CNIH3: variants seen among roughly 807,000 people sequenced by gnomAD.
CNIH3 encodes the protein protein cornichon homolog 3.
A neutral mutation model predicts 24.1 loss-of-function variants in CNIH3; 14 were observed. The observed-to-expected ratio is 0.58, with a 90% CI of 0.38 to 0.91. The LOEUF is 0.91. CNIH3 is among the 40% of genes least tolerant of loss of function. The pLI is 0.00. For missense variants in CNIH3, 178 were observed against 196.8 expected (o/e 0.90, Z 0.57); for synonymous variants, 68 against 73.8 (o/e 0.92, Z 0.40).
intron 1 of CNIH3, among the ~76,000 whole-genome samples, chr1:224,482,674 C>T (rs1427770491): frequency 6.6e-6 from 1 of 151,832 alleles, no homozygotes; most frequent in Admixed American, 6.6e-5. Flanking sequence ...GAAGGGGTCA[C>T]TTTTGGAGCT....
At chr1:224,500,725 T>C (rs1319266724) in intron 1 of CNIH3, among the ~76,000 whole-genome samples, 2 of 152,106 alleles carry the variant, frequency 1.3e-5, no homozygotes, top group Non-Finnish European at 1.5e-5. Flanking sequence ...TGACTGATCT[T>C]TAATCTGAGT....
intron 1 of CNIH3, among the ~76,000 whole-genome samples, chr1:224,646,658 G>A (rs528382285): frequency 1.3e-5 from 2 of 152,128 alleles, no homozygotes; most frequent in South Asian, 2.1e-4. Context: ...CTCCTGCTTC[G>A]GCATCCTAAA....
At chr1:224,727,499 G>A (rs143791848) in intron 3 of CNIH3, among the ~76,000 whole-genome samples, 2 of 152,272 alleles carry the variant, frequency 1.3e-5, no homozygotes, top group Admixed American at 1.3e-4. Flanking sequence ...AAGTGGTCTG[G>A]CCTTCTCTCC....
At chr1:224,731,349 C>G (rs1281168823) in intron 4 of CNIH3, among the ~76,000 whole-genome samples, 1 of 151,950 alleles carries the variant, frequency 6.6e-6, no homozygotes, top group African/African-American at 2.4e-5. Flanking sequence ...ATTCTATTCC[C>G]TGCTAAGACC....
At chr1:224,695,624 C>G (rs1687129026) in intron 3 of CNIH3, among the ~76,000 whole-genome samples, 1 of 152,198 alleles carries the variant, frequency 6.6e-6, no homozygotes, top group African/African-American at 2.4e-5. Context: ...AGTCCTCAAC[C>G]CTTGCTGCTT....
intron 1 of CNIH3, 113 bp downstream of exon 1, chr1:224,617,368 C>A: frequency 8.6e-7 from 1 of 1,162,944 alleles, no homozygotes; most frequent in Admixed American, 2.0e-5. Context: ...GTTGGACCTT[C>A]TGCCGCTCCA....
At chr1:224,611,655 T>C (rs1004460454), upstream of CNIH3, 2 of 152,264 alleles carry the variant, frequency 1.3e-5, no homozygotes, top group Non-Finnish European at 2.9e-5. Context: ...TGGCCTCTCC[T>C]GGCTGCATGG....
At chr1:224,467,329 C>T (rs1382106905) in intron 1 of CNIH3, among the ~76,000 whole-genome samples, 1 of 152,218 alleles carries the variant, frequency 6.6e-6, no homozygotes, top group African/African-American at 2.4e-5. Context: ...GCCACTATGC[C>T]TGGCTCTTTT....
chr1:224,728,713 C>A (rs957668225), intron 3 of CNIH3, among the ~76,000 whole-genome samples: 2 of 152,198 alleles, frequency 1.3e-5, no homozygotes, highest in Admixed American at 6.5e-5. Context: ...ATGGTCCATA[C>A]CCAAATGGGA....
At chr1:224,640,388 C>T (rs543693472) in intron 1 of CNIH3, among the ~76,000 whole-genome samples, 10 of 152,310 alleles carry the variant, frequency 6.6e-5, no homozygotes, top group African/African-American at 2.4e-4. Context: ...CTCACTGCTC[C>T]CAGCCCTTCA....
chr1:224,435,790 A>T (rs1674631549), intron 1 of CNIH3: 1 of 152,224 alleles, frequency 6.6e-6, no homozygotes, highest in South Asian at 2.1e-4. Context: ...GGTGTGCATT[A>T]TCCCCAAACA....
intron 3 of CNIH3, among the ~76,000 whole-genome samples, chr1:224,552,809 C>T (rs1679977993): frequency 2.0e-5 from 3 of 149,954 alleles, no homozygotes; most frequent in African/African-American, 7.3e-5. Context: ...TTAGATACTA[C>T]AAATAATATC....
chr1:224,675,685 A>C (rs1241210179), intron 1 of CNIH3, among the ~76,000 whole-genome samples: 1 of 152,242 alleles, frequency 6.6e-6, no homozygotes, highest in African/African-American at 2.4e-5. Context: ...CATTTCATCA[A>C]AAAAGATGTA....
At chr1:224,539,390 A>G (rs138068723), downstream of CNIH3, among the ~76,000 whole-genome samples, 7 of 152,254 alleles carry the variant, frequency 4.6e-5, no homozygotes, top group Admixed American at 1.3e-4. Context: ...GCTATAATTT[A>G]AGTACTTTTT....
intron 4 of CNIH3, among the ~76,000 whole-genome samples, chr1:224,579,070 T>C (rs1178177409): frequency 6.6e-6 from 1 of 151,524 alleles, no homozygotes; most frequent in African/African-American, 2.4e-5. Context: ...CTTTTTTCTT[T>C]TTTTTTTTTT....
intron 1 of CNIH3, among the ~76,000 whole-genome samples, chr1:224,470,024 T>C (rs80084994): frequency 2.8e-4 from 41 of 145,298 alleles, no homozygotes; most frequent in African/African-American, 1.0e-3. Context: ...CTTCTTCTTC[T>C]TTTTTTTTTT....
chr1:224,738,418 T>C (rs191608507), intron 5 of CNIH3, among the ~76,000 whole-genome samples: 3 of 152,250 alleles, frequency 2.0e-5, no homozygotes, highest in African/African-American at 7.2e-5. Context: ...GTCTGACCAG[T>C]GGTTCTCTGT....
chr1:224,587,885 G>A (rs1279868616), intron 5 of CNIH3, among the ~76,000 whole-genome samples: 1 of 151,904 alleles, frequency 6.6e-6, no homozygotes, highest in Admixed American at 6.6e-5. Flanking sequence ...AGGCCTTAGT[G>A]AGCTGTGATT....
At chr1:224,692,966 C>T (rs888221390) in intron 3 of CNIH3, among the ~76,000 whole-genome samples, 3 of 152,276 alleles carry the variant, frequency 2.0e-5, no homozygotes, top group Non-Finnish European at 4.4e-5. Flanking sequence ...TTGATGGGTC[C>T]GAGTGGATTC....
Sources: allele counts gnomAD v4.1 joint callset (sites outside exome capture counted in the v4.1 genomes callset), GRCh38; gene constraint gnomAD v4.1.1; transcripts MANE v1.5; gene names NCBI Gene and HGNC (gene_info 2026-07-23, HGNC 2026-07-21).